The following MPPED2 variants were observed in gnomAD, a reference collection of about 807,000 sequenced individuals.
MPPED2 encodes metallophosphoesterase MPPED2.
In MPPED2, 5 loss-of-function variants were observed where a neutral mutation model predicts 33.0. The ratio of observed to expected loss-of-function variants is 0.15; its 90% CI spans 0.08 to 0.32. The LOEUF (loss-of-function observed/expected upper bound fraction) is 0.32, where lower values mean the gene tolerates loss of function less well. Ranked by LOEUF, MPPED2 falls within the 10% of genes least tolerant of loss-of-function variation. MPPED2 has a pLI of 1.00. For synonymous variants in MPPED2, 136 were observed against 141.9 expected (o/e 0.96, Z 0.29); for missense variants, 275 against 372.1 (o/e 0.74, Z 2.15).
downstream of MPPED2, among the ~76,000 whole-genome samples, chr11:30,405,275 G>A (rs1214944557): frequency 6.6e-6 from 1 of 152,146 alleles, no homozygotes; most frequent in Non-Finnish European, 1.5e-5. Context: ...ACTAAGGTTG[G>A]GACAGAAATG....
intron 3 of MPPED2, among the ~76,000 whole-genome samples, chr11:30,507,848 T>G (rs1350599737): frequency 6.6e-6 from 1 of 152,202 alleles, no homozygotes; most frequent in Non-Finnish European, 1.5e-5. Flanking sequence ...CCCGCTGGTA[T>G]GAAGCAGTAA....
chr11:30,496,085 A>G (rs1952236781), intron 3 of MPPED2, among the ~76,000 whole-genome samples: 1 of 152,234 alleles, frequency 6.6e-6, no homozygotes, highest in Admixed American at 6.5e-5. Context: ...TAAAAAGAAC[A>G]TTAGTAAGGG....
chr11:30,569,305 A>G (rs944751095), intron 2 of MPPED2, among the ~76,000 whole-genome samples: 2 of 152,186 alleles, frequency 1.3e-5, no homozygotes, highest in African/African-American at 4.8e-5. Context: ...ACACCACTGT[A>G]CCAAACAGGA....
intron 4 of MPPED2, among the ~76,000 whole-genome samples, chr11:30,475,309 A>C (rs1951134889): frequency 6.6e-6 from 1 of 152,214 alleles, no homozygotes; most frequent in South Asian, 2.1e-4. Context: ...TTTATGTATG[A>C]TAAGCTGTAT....
intron 3 of MPPED2, among the ~76,000 whole-genome samples, chr11:30,524,245 C>T (rs561898706): frequency 1.9e-4 from 29 of 152,006 alleles, no homozygotes; most frequent in Non-Finnish European, 2.2e-4. Context: ...AAGAGTGAGA[C>T]TCTGTCTCAA....
intron 3 of MPPED2, among the ~76,000 whole-genome samples, chr11:30,503,073 G>A (rs929294672): frequency 1.2e-4 from 18 of 152,222 alleles, no homozygotes; most frequent in South Asian, 2.1e-4. Context: ...TTATCCCCAC[G>A]TGTTGTGGGA....
intron 4 of MPPED2, among the ~76,000 whole-genome samples, chr11:30,487,908 T>C (rs752493921): frequency 1.4e-4 from 21 of 152,080 alleles, no homozygotes; most frequent in Non-Finnish European, 2.5e-4. Flanking sequence ...TGGATTTCTG[T>C]ACACCCTTTT....
chr11:30,549,318 A>T (rs1013726247), intron 2 of MPPED2, among the ~76,000 whole-genome samples: 36 of 152,114 alleles, frequency 2.4e-4, no homozygotes, highest in Non-Finnish European at 2.9e-5. Context: ...TTTCCAATCA[A>T]TTGCTTTCTT....
At chr11:30,416,080 CTTAG>C (rs1565045392) in intron 5 of MPPED2, among the ~76,000 whole-genome samples, 1 of 152,160 alleles carries the variant, frequency 6.6e-6, no homozygotes, top group Non-Finnish European at 1.5e-5. Context: ...AAATAGGGAA[CTTAG>C]TTAATTATGA....
At chr11:30,486,246 G>A (rs1020948019) in intron 4 of MPPED2, among the ~76,000 whole-genome samples, 5 of 152,164 alleles carry the variant, frequency 3.3e-5, no homozygotes, top group Non-Finnish European at 7.3e-5. Flanking sequence ...GACTGTCAAT[G>A]GGACTCTAGT....
At chr11:30,545,116 G>T (rs188494374) in intron 2 of MPPED2, among the ~76,000 whole-genome samples, 1 of 152,230 alleles carries the variant, frequency 6.6e-6, no homozygotes, top group East Asian at 1.9e-4. Flanking sequence ...TCAGACTATG[G>T]GGCTTGAACC....
chr11:30,549,481 A>G (rs889255858), intron 2 of MPPED2, among the ~76,000 whole-genome samples: 1 of 152,186 alleles, frequency 6.6e-6, no homozygotes, highest in Non-Finnish European at 1.5e-5. Flanking sequence ...TGAATGCTAA[A>G]CTGTAAAAGG....
chr11:30,473,427 A>C (rs748304328), intron 4 of MPPED2, among the ~76,000 whole-genome samples: 2 of 152,152 alleles, frequency 1.3e-5, no homozygotes, highest in African/African-American at 2.4e-5. Context: ...TATCCAGTCC[A>C]TGATTTAAGG....
intron 2 of MPPED2, among the ~76,000 whole-genome samples, chr11:30,542,423 G>C (rs1207564739): frequency 1.5e-5 from 2 of 137,820 alleles, no homozygotes; most frequent in African/African-American, 2.8e-5. Flanking sequence ...AAATCAGCCT[G>C]GGCAACATGG....
intron 2 of MPPED2, among the ~76,000 whole-genome samples, chr11:30,555,541 A>T (rs911194067): frequency 8.5e-5 from 13 of 152,226 alleles, no homozygotes; most frequent in Admixed American, 7.2e-4. Flanking sequence ...TAACTGAATC[A>T]TGGGGGCAGG....
chr11:30,432,216 T>C (rs930689256), intron 4 of MPPED2, among the ~76,000 whole-genome samples: 1 of 152,014 alleles, frequency 6.6e-6, no homozygotes, highest in Non-Finnish European at 1.5e-5. Flanking sequence ...TAACCTCTCA[T>C]AGTCAAAACT....
At chr11:30,546,257 T>A (rs1440518410) in intron 2 of MPPED2, among the ~76,000 whole-genome samples, 1 of 152,172 alleles carries the variant, frequency 6.6e-6, no homozygotes, top group African/African-American at 2.4e-5. Context: ...ATGTGGATTA[T>A]TTCCAAACAC....
At chr11:30,545,858 GAT>G (rs368482138) in intron 2 of MPPED2, among the ~76,000 whole-genome samples, 1 of 151,666 alleles carries the variant, frequency 6.6e-6, no homozygotes, top group East Asian at 1.9e-4. Context: ...AGGCATGACT[GAT>G]ATACATATAT....
chr11:30,548,543 G>A (rs1370600396), intron 2 of MPPED2, among the ~76,000 whole-genome samples: 3 of 152,126 alleles, frequency 2.0e-5, no homozygotes, highest in Admixed American at 2.0e-4. Context: ...CTTGTAAAGG[G>A]CCCAGTGCAT....
Sources: allele counts gnomAD v4.1 joint callset (sites outside exome capture counted in the v4.1 genomes callset), GRCh38; gene constraint gnomAD v4.1.1; transcripts MANE v1.5; gene names NCBI Gene and HGNC (gene_info 2026-07-23, HGNC 2026-07-21).